Variants in CFAP46 observed in about 807,000 individuals in gnomAD.
CFAP46 encodes the protein cilia and flagella associated protein 46.
In CFAP46, 245 loss-of-function variants were observed where a neutral mutation model predicts 325.7. The ratio of observed to expected loss-of-function variants is 0.75; its 90% CI spans 0.68 to 0.84. The LOEUF (loss-of-function observed/expected upper bound fraction) is 0.84, where lower values mean the gene tolerates loss of function less well. Ranked by LOEUF, CFAP46 falls within the 40% of genes least tolerant of loss-of-function variation. The pLI, the probability that CFAP46 is intolerant of heterozygous loss-of-function variation, is 0.00. For synonymous variants in CFAP46, 1,523 were observed against 1,495.9 expected (o/e 1.02, Z -0.42); for missense variants, 3,346 against 3,543.0 (o/e 0.94, Z 1.41).
At chr10:132,854,361 G>C (rs1848607838) in intron 39 of CFAP46, among the ~76,000 whole-genome samples, 1 of 132,408 alleles carries the variant, frequency 7.6e-6, no homozygotes, top group African/African-American at 3.0e-5. Flanking sequence ...TTTTGAGATG[G>C]AGTTTCGCTC....
chr10:132,912,683 G>A lies in CFAP46; in HGVS notation c.2471C>T (p.Ala824Val). 6.5e-7 allele frequency: 1 copy of A among 1,548,824 alleles called. No individual in the cohort carries two copies. Among genetic ancestry groups the A allele is most frequent in the South Asian group, 1.2e-5 (1 of 84,042 alleles). The change falls in exon 19 of 58, where the codon GCC becomes GTC. Residue 824 changes from alanine to valine, a missense_variant. By Grantham distance (64) the Ala-to-Val change is moderately conservative. Transcript: ENST00000368586. ...NAFHSPLDAG[A>V]TSEIKTAVEV... Reference sequence around the variant, plus strand: ...CACCGCTGTTTTGATCTCGGAAGTGGCTCCTGCGTCCAGTGGGCTGTGAAA... The same window carrying A: ...CACCGCTGTTTTGATCTCGGAAGTGACTCCTGCGTCCAGTGGGCTGTGAAA...
chr10:132,865,317 C>T (rs746225446), intron 35 of CFAP46, among the ~76,000 whole-genome samples: 19 of 152,180 alleles, frequency 1.2e-4, no homozygotes, highest in Non-Finnish European at 2.1e-4. Context: ...GGAGTGCAGG[C>T]GCCCAGGGTG....
chr10:132,849,835 C>T (rs533392595), intron 41 of CFAP46, among the ~76,000 whole-genome samples: 137 of 152,302 alleles, frequency 9.0e-4, no homozygotes, highest in African/African-American at 2.9e-3. Flanking sequence ...CTCAGGCCCA[C>T]CCTAGGCCGC....
At chr10:132,875,286 G>C (rs929303013) in intron 31 of CFAP46, among the ~76,000 whole-genome samples, 4 of 152,176 alleles carry the variant, frequency 2.6e-5, no homozygotes, top group Admixed American at 6.5e-5. Context: ...TGGATCAAAA[G>C]GCTGAACACC....
intron 50 of CFAP46, among the ~76,000 whole-genome samples, chr10:132,823,659 G>T (rs1323555517): frequency 7.8e-6 from 1 of 127,870 alleles, no homozygotes; most frequent in Non-Finnish European, 1.6e-5. Context: ...TGTGTGTGCT[G>T]TGTGCGCTGA....
chr10:132,883,441 C>G (rs148424472), intron 27 of CFAP46, among the ~76,000 whole-genome samples: 5 of 152,232 alleles, frequency 3.3e-5, no homozygotes, highest in African/African-American at 1.2e-4. Context: ...TCACCCCTGC[C>G]GGCACAGCTA....
rs74161915 is a variant in CFAP46 at position 132,862,043 on chromosome 10, G to C, written c.4891-1061C>G. Among the ~76,000 whole-genome samples the C allele has an allele frequency of 3.0e-3, 464 of 152,372 alleles. 3 individuals are homozygous for C. The highest frequency in any genetic ancestry group is 0.011 in the African/African-American group (442 of 41,594). On this transcript the variant is annotated intron_variant, in intron 35 of 57. Coordinates refer to ENST00000368586, the MANE Select transcript of CFAP46 (RefSeq NM_001200049.3). Reference sequence around the variant, plus strand: ...AGGATCCACCTGGACGCCACAGCCTGCATGCACCTGGGCATGGCTGTGACC... The same window carrying C: ...AGGATCCACCTGGACGCCACAGCCTCCATGCACCTGGGCATGGCTGTGACC...
chr10:132,920,016 C>G, intron 14 of CFAP46, 43 bp downstream of exon 14: 1 of 1,467,414 alleles, frequency 6.8e-7, no homozygotes, highest in Non-Finnish European at 9.0e-7. Flanking sequence ...GAGCGACCCC[C>G]GGGCTGAGCT....
rs1054582903 is a variant in CFAP46, at chr10:132,924,736, G to A, written c.1216C>T (p.Pro406Ser). 1.2e-5 allele frequency: 18 copies of A among 1,539,924 alleles called. No homozygotes were observed. The East Asian group carries it at 3.8e-4, about 32-fold the overall frequency. The change falls in exon 11 of 58, where the codon CCC becomes TCC. Residue 406 changes from proline to serine, a missense_variant. Physicochemically the swap from Pro to Ser is moderately conservative, Grantham distance 74 (BLOSUM62 -1). Coordinates refer to ENST00000368586, the MANE Select transcript of CFAP46 (RefSeq NM_001200049.3). The part of the protein sequence containing the change: ...QHNLRHHLRK[P>S]LAGVADVLEK... ...AGCACGTCCGCAACGCCAGCCAGGG[G>A]CTTCCGCAGGTGGTGCCGCAGGTTG...
At chr10:132,849,996 T>C (rs11146545) in intron 41 of CFAP46, among the ~76,000 whole-genome samples, 100,991 of 152,102 alleles carry the variant, frequency 0.66, 34,160 homozygotes, top group African/African-American at 0.77. Flanking sequence ...TGTGCTGCTG[T>C]GGGCCGACCC....
At chr10:132,917,616 A>C (rs1289132052) in intron 16 of CFAP46, among the ~76,000 whole-genome samples, 1 of 152,156 alleles carries the variant, frequency 6.6e-6, no homozygotes, top group Non-Finnish European at 1.5e-5. Context: ...CTGCAGATTC[A>C]CCACTCAGAA....
chr10:132,941,643 C>A lies in CFAP46; in HGVS notation c.254G>T (p.Arg85Leu). 6.2e-7 allele frequency: 1 copy of A among 1,613,990 alleles called. No individual in the cohort carries two copies. Residue 85 changes from arginine to leucine, a missense_variant, in exon 3 of 58, where the codon CGA becomes CTA. Coordinates refer to ENST00000368586, the MANE Select transcript of CFAP46 (RefSeq NM_001200049.3). ...CATCTGGGCCCTGCACAGGTGCGCT[C>A]GGCCCAGAAACTGGGTGATGGGCGC... ...VKAPITQFLG[R>L]AHLCRAQMCA...
chr10:132,833,573 T>C, intron 49 of CFAP46, 48 bp from the exon 50 acceptor site: 1 of 1,573,836 alleles, frequency 6.4e-7, no homozygotes, highest in Non-Finnish European at 8.7e-7. Flanking sequence ...ACGGGACCCC[T>C]CCCACGGGGT....
chr10:132,924,003 G>T (rs547387612), intron 11 of CFAP46, among the ~76,000 whole-genome samples: 31 of 152,082 alleles, frequency 2.0e-4, no homozygotes, highest in African/African-American at 4.3e-4. Flanking sequence ...AGGGAGCGGG[G>T]GCTGAGCCGG....
Position 132,808,811 on chromosome 10 carries a change from G to T in CFAP46, c.7758C>A (p.Ala2586=). 6.2e-7 allele frequency: 1 copy of T among 1,608,376 alleles called. No individual in the cohort carries two copies. ...CCTGCACTACCCGATGGCTTGGTGCGGCAGCCCATACAGGACCAAGTTGAG... is the reference window on the plus strand; with the variant it reads ...CCTGCACTACCCGATGGCTTGGTGCTGCAGCCCATACAGGACCAAGTTGAG... The part of the protein sequence containing the change: ...HHAQLGPVWA[A]APSHRVVQAW... The change falls in exon 58 of 58, where the codon GCC becomes GCA. Residue 2586 remains alanine (A), a synonymous_variant. Transcript: ENST00000368586. This position sits in a 1 kb window ranked among gnomAD's most constrained non-coding sequence, Gnocchi z 6.8.
chr10:132,896,146 GA>G lies in CFAP46; in HGVS notation c.3219+2812del, dbSNP rs1346138446. Among the ~76,000 whole-genome samples the G allele has an allele frequency of 9.7e-4, 78 of 80,496 alleles. 1 individual carries two copies. Among genetic ancestry groups the G allele is most frequent in the Admixed American group, 2.9e-3 (14 of 4,906 alleles). 52.8% of individuals were successfully genotyped at this position (80,496 alleles called of 152,430 possible). On this transcript the variant is annotated intron_variant, in intron 24 of 57. Coordinates refer to ENST00000368586, the MANE Select transcript of CFAP46 (RefSeq NM_001200049.3). ...GGCAGCCAGGCTCTGTGTGCCACAT[GA>G]AGACACGGTGAGAAGGCAGCCAGGC...
At chr10:132,837,083 G>A (rs747001969) in intron 44 of CFAP46, 169 bp from the exon 45 acceptor site, 14 of 571,110 alleles carry the variant, frequency 2.5e-5, no homozygotes, top group Non-Finnish European at 4.0e-5. Flanking sequence ...GAAGTGACTC[G>A]GGGCTGCCAC....
chr10:132,932,417 G>A (rs1464131710), intron 8 of CFAP46, among the ~76,000 whole-genome samples: 2 of 143,766 alleles, frequency 1.4e-5, no homozygotes, highest in East Asian at 4.1e-4. Context: ...CAGAGGCTGG[G>A]CCTTCCTTGT....
Position 132,908,343 on chromosome 10 carries a change from C to T in CFAP46, c.2924+125G>A, listed in dbSNP as rs1485542363. ...CTGATCTGTGATCGCGGCCCAGGCC[C>T]GCGCTCCCTGCCCGTTTTGGGGAAC... On this transcript the variant is annotated intron_variant, in intron 22 of 57. Coordinates refer to ENST00000368586, the MANE Select transcript of CFAP46 (RefSeq NM_001200049.3). 1.2e-4 allele frequency: 140 copies of T among 1,191,014 alleles called. 1 individual carries two copies. The South Asian group carries it at 1.4e-3, about 12-fold the overall frequency. 73.8% of individuals were successfully genotyped at this position (1,191,014 alleles called of 1,614,324 possible).
Sources: allele counts gnomAD v4.1 joint callset (sites outside exome capture counted in the v4.1 genomes callset), GRCh38; gene constraint gnomAD v4.1.1; non-coding constraint Gnocchi (gnomAD v3.1); transcripts MANE v1.5; gene names NCBI Gene and HGNC (gene_info 2026-07-23, HGNC 2026-07-21).